The following MOXD1 variants were observed in gnomAD, a reference collection of about 807,000 sequenced individuals.
MOXD1 encodes the protein monooxygenase DBH like 1, also known as DBH-like monooxygenase protein 1.
Under a neutral mutation model 66.6 loss-of-function variants are expected in MOXD1, and 62 were observed. The ratio of observed to expected loss-of-function variants is 0.93; its 90% CI spans 0.76 to 1.15. MOXD1 has a LOEUF of 1.15. MOXD1 is among the 50% of genes most tolerant of loss of function. The pLI is 0.00. For synonymous variants in MOXD1, 303 were observed against 281.9 expected, an observed-to-expected ratio of 1.07 and a Z score of -0.75; for missense variants, 847 against 754.6, an observed-to-expected ratio of 1.12 and a Z score of -1.44.
At chr6:132,323,247 G>C (rs566280811) in intron 7 of MOXD1, among the ~76,000 whole-genome samples, 1 of 152,150 alleles carries the variant, frequency 6.6e-6, no homozygotes, top group African/African-American at 2.4e-5. Context: ...ATAAGAAAGC[G>C]AAAGTGGGTC....
At chr6:132,361,184 T>G (rs997309950) in intron 4 of MOXD1, among the ~76,000 whole-genome samples, 1 of 152,162 alleles carries the variant, frequency 6.6e-6, no homozygotes, top group African/African-American at 2.4e-5. Flanking sequence ...AGCATTAACC[T>G]CCATGTATAT....
chr6:132,349,438 T>TATATATATATATAC lies in MOXD1; in HGVS notation c.664-20858_664-20845dup, dbSNP rs1473079376. 2.7e-4 allele frequency among the ~76,000 whole-genome samples: 4 copies of TATATATATATATAC among 14,680 alleles called. 1 individual carries two copies. Among genetic ancestry groups the TATATATATATATAC allele is most frequent in the African/African-American group, 1.3e-3 (3 of 2,336 alleles). 9.6% of individuals were successfully genotyped at this position (14,680 alleles called of 152,430 possible). On this transcript the variant is annotated intron_variant, in intron 4 of 11. Transcript: ENST00000367963. ...ATATATATACATATATATATATACA[T>TATATATATATATAC]ATATATATATATACATATATATATA...
intron 4 of MOXD1, among the ~76,000 whole-genome samples, chr6:132,343,461 G>A (rs1484917342): frequency 6.6e-6 from 1 of 152,060 alleles, no homozygotes; most frequent in East Asian, 1.9e-4. Context: ...TGTAATATCA[G>A]CTACTCAGGA....
intron 10 of MOXD1, 98 bp from the exon 11 acceptor site, chr6:132,298,053 T>A: frequency 9.7e-7 from 1 of 1,032,390 alleles, no homozygotes; most frequent in Non-Finnish European, 1.3e-6. Flanking sequence ...ACTTATTCAT[T>A]TTCATACACA....
intron 1 of MOXD1, among the ~76,000 whole-genome samples, chr6:132,381,742 G>C (rs552635655): frequency 6.6e-6 from 1 of 152,250 alleles, no homozygotes; most frequent in Admixed American, 6.5e-5. Context: ...AAAAATACTA[G>C]AGAATGAAAC....
At chr6:132,357,803 A>G in intron 4 of MOXD1, among the ~76,000 whole-genome samples, 1 of 152,118 alleles carries the variant, frequency 6.6e-6, no homozygotes, top group Non-Finnish European at 1.5e-5. Context: ...CATATTTTGA[A>G]GGAGAGATAG....
At chr6:132,303,704 T>TAC (rs772482923) in intron 10 of MOXD1, among the ~76,000 whole-genome samples, 17 of 134,762 alleles carry the variant, frequency 1.3e-4, no homozygotes, top group African/African-American at 3.6e-4. Context: ...GCTGACTGTA[T>TAC]ACATACACAC....
chr6:132,299,630 T>G (rs1774486006), intron 10 of MOXD1, among the ~76,000 whole-genome samples: 1 of 152,088 alleles, frequency 6.6e-6, no homozygotes, highest in Non-Finnish European at 1.5e-5. Context: ...AAAAGATAGT[T>G]TTCAGGTGTT....
At chr6:132,336,908 G>A (rs992043065) in intron 4 of MOXD1, among the ~76,000 whole-genome samples, 1 of 152,114 alleles carries the variant, frequency 6.6e-6, no homozygotes, top group Non-Finnish European at 1.5e-5. Context: ...GCCTATCTTG[G>A]AACTTTTCAA....
intron 4 of MOXD1, among the ~76,000 whole-genome samples, chr6:132,356,250 C>T (rs1458901940): frequency 6.6e-6 from 1 of 151,990 alleles, no homozygotes; most frequent in African/African-American, 2.4e-5. Context: ...AAAAAGAAAT[C>T]GGTAAAGGGT....
rs1002512741 is a variant in MOXD1 at position 132,296,391 on chromosome 6, C to A, written c.*762G>T. The A allele has an allele frequency of 6.6e-6, 1 of 152,220 alleles. No individual in the cohort carries two copies. Among genetic ancestry groups the A allele is most frequent in the African/African-American group, 2.4e-5 (1 of 41,440 alleles). The allele number at this position is 152,220 out of a possible 1,614,324, so 9.4% of individuals were successfully genotyped here. ...ACAGCACTGGGTTTGCAGCCAGCTACATTTTTTCTCCTCAGCCTATGATCA... is the reference window on the plus strand; with the variant it reads ...ACAGCACTGGGTTTGCAGCCAGCTAAATTTTTTCTCCTCAGCCTATGATCA... On this transcript the variant is annotated 3_prime_UTR_variant, in exon 12 of 12. Transcript: ENST00000367963.
At chr6:132,374,260 T>C (rs960397564) in intron 2 of MOXD1, among the ~76,000 whole-genome samples, 2 of 152,174 alleles carry the variant, frequency 1.3e-5, no homozygotes, top group African/African-American at 4.8e-5. Context: ...ATGAATTATA[T>C]CCTAATATTC....
At chr6:132,393,784 A>G (rs1054985459) in intron 1 of MOXD1, among the ~76,000 whole-genome samples, 1 of 152,168 alleles carries the variant, frequency 6.6e-6, no homozygotes, top group Non-Finnish European at 1.5e-5. Flanking sequence ...ACTGACACTC[A>G]TCACCCACAG....
intron 1 of MOXD1, among the ~76,000 whole-genome samples, chr6:132,385,619 G>A (rs1331252743): frequency 6.6e-6 from 1 of 151,698 alleles, no homozygotes; most frequent in Non-Finnish European, 1.5e-5. Context: ...AAGTAACTGG[G>A]ATTACAGGTG....
chr6:132,356,963 C>T (rs1400295528), intron 4 of MOXD1, among the ~76,000 whole-genome samples: 1 of 151,746 alleles, frequency 6.6e-6, no homozygotes, highest in Non-Finnish European at 1.5e-5. Flanking sequence ...TACTTTTTTA[C>T]TTATTATGAG....
chr6:132,308,088 T>C (rs1439178278), intron 10 of MOXD1, among the ~76,000 whole-genome samples: 10 of 129,830 alleles, frequency 7.7e-5, no homozygotes, highest in East Asian at 2.3e-4. Flanking sequence ...AAGTGGTTTT[T>C]TGAAAAAAAA....
rs543008824 is a variant in MOXD1 at position 132,325,449 on chromosome 6, A to C, written c.947-1352T>G. On this transcript the variant is annotated intron_variant, in intron 6 of 11. Transcript: ENST00000367963. ...AGGTCATGAGGGCTTGGCCCCTGTGAATCGATTAATGCCATTATTTCAGAA... is the reference window on the plus strand; with the variant it reads ...AGGTCATGAGGGCTTGGCCCCTGTGCATCGATTAATGCCATTATTTCAGAA... 2.6e-5 allele frequency among the ~76,000 whole-genome samples: 4 copies of C among 152,314 alleles called. No individual in the cohort carries two copies. The South Asian group carries it at 8.3e-4, about 32-fold the overall frequency.
chr6:132,309,937 C>A (rs1425635026), intron 10 of MOXD1, among the ~76,000 whole-genome samples: 1 of 152,164 alleles, frequency 6.6e-6, no homozygotes, highest in African/African-American at 2.4e-5. Context: ...AGGACATAGG[C>A]ATGGGCAAAG....
intron 10 of MOXD1, among the ~76,000 whole-genome samples, chr6:132,307,977 C>T (rs566357903): frequency 6.6e-6 from 1 of 151,370 alleles, no homozygotes; most frequent in East Asian, 1.9e-4. Flanking sequence ...CAAGAGAAAA[C>T]TAATCCAAAA....
Sources: allele counts gnomAD v4.1 joint callset (sites outside exome capture counted in the v4.1 genomes callset), GRCh38; gene constraint gnomAD v4.1.1; transcripts MANE v1.5; gene names NCBI Gene and HGNC (gene_info 2026-07-23, HGNC 2026-07-21).